Variants in MN1 observed in about 807,000 individuals in gnomAD.
MN1 encodes MN1 proto-oncogene, transcriptional regulator.
In MN1, 19 loss-of-function variants were observed where a neutral mutation model predicts 86.9. The observed-to-expected ratio is 0.22, with a 90% confidence interval of 0.15 to 0.32. The LOEUF is 0.32. MN1 is among the 10% of genes least tolerant of loss of function. The pLI is 1.00. For missense variants in MN1, 1,841 were observed against 1,862.0 expected, an observed-to-expected ratio of 0.99 and a Z score of 0.21; for synonymous variants, 928 against 849.6, an observed-to-expected ratio of 1.09 and a Z score of -1.60.
At chr22:27,764,907 G>A (rs1476599811) in intron 1 of MN1, among the ~76,000 whole-genome samples, 3 of 152,092 alleles carry the variant, frequency 2.0e-5, no homozygotes, top group Non-Finnish European at 2.9e-5. Context: ...CCCACTCCCT[G>A]TTTTTGTAAA....
In MN1 at chr22:27,798,233, C is replaced by G; in HGVS notation, c.2311G>C (p.Gly771Arg). 1 of 1,519,218 alleles carries G rather than the reference C, an allele frequency of 6.6e-7. No individual in the cohort carries two copies. The highest frequency in any genetic ancestry group is 8.7e-7 in the Non-Finnish European group (1 of 1,143,350). The allele number at this position is 1,519,218 out of a possible 1,614,324, so 94.1% of individuals were successfully genotyped here. The change falls in exon 1 of 2, where the codon GGG (glycine) becomes CGG (arginine). Residue 771 changes from glycine to arginine, a missense_variant. Gly to Arg is a moderately radical substitution (Grantham distance 125). Transcript: ENST00000302326. Reference protein sequence around the residue: ...PGVNSPPSAGGGGGSSGGGGG... With the variant: ...PGVNSPPSAGRGGGSSGGGGG... ...CCGCCACCAGAGCTGCCACCGCCCC[C>G]TCCCGCGCTGGGGGGCGAGTTCACG...
At position 27,799,478 on chromosome 22, in the gene MN1, G is replaced by A; in HGVS notation, c.1066C>T (p.Pro356Ser). The change falls in exon 1 of 2, where the codon CCG (proline) becomes TCG (serine). Residue 356 changes from proline (P) to serine (S), a missense_variant. Physicochemically the swap from Pro to Ser is moderately conservative, Grantham distance 74. Transcript: ENST00000302326. ...GGCGGCGGCGGCTGCTGCTGTGGCG[G>A]CTGCTGCGGGGGCTGCTGCTGAGGG... is the stretch of plus-strand genomic sequence containing the variant. ...PPPQQQPPQQ[P>S]PQQQPPPPPG... 1.4e-6 allele frequency: 2 copies of A among 1,455,102 alleles called. No homozygotes were observed. The highest frequency in any genetic ancestry group is 2.5e-5 in the East Asian group (1 of 39,746). The allele number at this position is 1,455,102 out of a possible 1,614,324, so 90.1% of individuals were successfully genotyped here.
chr22:27,770,447 AATCATGTGG>A (rs60049866), intron 1 of MN1, among the ~76,000 whole-genome samples: 35,610 of 151,408 alleles, frequency 0.24, 5,201 homozygotes, highest in African/African-American at 0.4. Flanking sequence ...TTGGGCAGAG[AATCATGTGG>A]ATTCAGGATC....
chr22:27,787,886 C>T (rs1825962609), intron 1 of MN1, among the ~76,000 whole-genome samples: 1 of 152,224 alleles, frequency 6.6e-6, no homozygotes, highest in Non-Finnish European at 1.5e-5. Flanking sequence ...GAAACGGGTC[C>T]TGACTGCTAA....
chr22:27,763,701 A>G (rs1195620953), intron 1 of MN1, among the ~76,000 whole-genome samples: 12 of 152,222 alleles, frequency 7.9e-5, no homozygotes, highest in Non-Finnish European at 4.4e-5. Context: ...TCACAGCCAC[A>G]TGTGTGCCTG....
intron 1 of MN1, among the ~76,000 whole-genome samples, chr22:27,795,515 G>A (rs1933278894): frequency 6.7e-6 from 1 of 149,532 alleles, no homozygotes; most frequent in Non-Finnish European, 1.5e-5. Context: ...GAATTGCACT[G>A]GGGGGGGACA....
chr22:27,753,702 G>A (rs1342354317), intron 1 of MN1, among the ~76,000 whole-genome samples: 1 of 152,164 alleles, frequency 6.6e-6, no homozygotes, highest in African/African-American at 2.4e-5. Flanking sequence ...ACCCCACCCA[G>A]GGCTTCCTGG....
intron 1 of MN1, among the ~76,000 whole-genome samples, chr22:27,776,913 G>T (rs1932985733): frequency 1.3e-5 from 2 of 152,136 alleles, no homozygotes; most frequent in African/African-American, 4.8e-5. Context: ...AGAGGAGGGG[G>T]AGCCGGTGGG....
intron 1 of MN1, among the ~76,000 whole-genome samples, chr22:27,781,542 A>G (rs1349839066): frequency 6.6e-6 from 1 of 152,134 alleles, no homozygotes; most frequent in African/African-American, 2.4e-5. Flanking sequence ...GTAGCCAGGG[A>G]CACTGAGGCC....
rs537001477 is a variant in MN1, at chr22:27,765,490, G to A, written c.3782-14394C>T. On this transcript the variant is annotated intron_variant, in intron 1 of 1. Transcript: ENST00000302326. ...TTCTGAAGCCGAATGAGTCAGCCAC[G>A]TCAGGCAGGAGGGAGACTCGAGCGG... Among the ~76,000 whole-genome samples the A allele has an allele frequency of 7.2e-5, 11 of 152,314 alleles. No individual in the cohort carries two copies. In the South Asian group the frequency reaches 8.3e-4, roughly 11 times the overall value.
intron 1 of MN1, among the ~76,000 whole-genome samples, chr22:27,776,357 A>T (rs989193964): frequency 2.0e-5 from 3 of 152,244 alleles, no homozygotes; most frequent in African/African-American, 7.2e-5. Flanking sequence ...TTACACAGGG[A>T]AACCCTAATT....
intron 1 of MN1, among the ~76,000 whole-genome samples, chr22:27,774,732 G>A (rs1932954678): frequency 2.6e-5 from 4 of 152,182 alleles, no homozygotes; most frequent in South Asian, 2.1e-4. Flanking sequence ...GGTTGACACT[G>A]CCATCATCCT....
chr22:27,759,017 G>A (rs1057493799), intron 1 of MN1, among the ~76,000 whole-genome samples: 2 of 152,080 alleles, frequency 1.3e-5, no homozygotes, highest in African/African-American at 4.8e-5. Context: ...TTATACAGAT[G>A]GGAGTTCACC....
At chr22:27,782,903 T>C (rs1933073041) in intron 1 of MN1, among the ~76,000 whole-genome samples, 1 of 152,104 alleles carries the variant, frequency 6.6e-6, no homozygotes. Context: ...GTCAATTTTA[T>C]CTATGAGGAA....
chr22:27,766,456 GC>G (rs1932870761), intron 1 of MN1, among the ~76,000 whole-genome samples: 1 of 152,150 alleles, frequency 6.6e-6, no homozygotes, highest in Non-Finnish European at 1.5e-5. Context: ...GTGGGAAGAG[GC>G]GGGTGCAGGG....
chr22:27,768,422 G>C (rs1409056158), intron 1 of MN1, among the ~76,000 whole-genome samples: 1 of 152,200 alleles, frequency 6.6e-6, no homozygotes, highest in African/African-American at 2.4e-5. Flanking sequence ...TCCTGCAGAG[G>C]TGGTTTCCAG....
intron 1 of MN1, among the ~76,000 whole-genome samples, chr22:27,751,489 G>A (rs45603340): frequency 0.16 from 23,594 of 152,074 alleles, 1,881 homozygotes; most frequent in Middle Eastern, 0.19. Context: ...GTAGGAGTTC[G>A]CCGCATGCAG....
chr22:27,789,286 G>A (rs1389089107), intron 1 of MN1, among the ~76,000 whole-genome samples: 3 of 152,110 alleles, frequency 2.0e-5, no homozygotes, highest in African/African-American at 4.8e-5. Context: ...ATACGCCTCC[G>A]CCAAGGGGTC....
At chr22:27,752,532 G>A (rs1408488077) in intron 1 of MN1, among the ~76,000 whole-genome samples, 2 of 152,156 alleles carry the variant, frequency 1.3e-5, no homozygotes, top group African/African-American at 2.4e-5. Flanking sequence ...TGTTAGACAC[G>A]CTTGAGGAGA....
Sources: gnomAD v4.1 joint callset for allele counts (sites outside exome capture counted in the v4.1 genomes callset) on GRCh38, gnomAD v4.1.1 for gene constraint, MANE v1.5 for transcripts, NCBI Gene and HGNC (gene_info 2026-07-23, HGNC 2026-07-21) for gene names.